PLCH1: variants seen among roughly 807,000 people sequenced by gnomAD.
PLCH1 encodes the protein 1-phosphatidylinositol 4,5-bisphosphate phosphodiesterase eta-1.
In PLCH1, 60 loss-of-function variants were observed where a neutral mutation model predicts 126.7. The ratio of observed to expected loss-of-function variants is 0.47; its 90% CI spans 0.38 to 0.59. The LOEUF (loss-of-function observed/expected upper bound fraction) is 0.59. Ranked by LOEUF, PLCH1 falls within the 20% of genes least tolerant of loss-of-function variation. PLCH1 has a pLI of 0.00. For missense variants in PLCH1, 1,723 were observed against 2,040.0 expected (o/e 0.84, Z 2.99); for synonymous variants, 719 against 734.9 (o/e 0.98, Z 0.35).
In PLCH1 at chr3:155,458,552, AAGAGAAAAAG is replaced by A. The variant is rs1455932489; in HGVS notation, c.2938+26794_2938+26803del. 2.2e-5 allele frequency among the ~76,000 whole-genome samples: 3 copies of A among 136,844 alleles called. 1 individual carries two copies. The highest frequency in any genetic ancestry group is 4.5e-5 in the Non-Finnish European group (3 of 66,120). 89.8% of individuals were successfully genotyped at this position (136,844 alleles called of 152,430 possible). On this transcript the variant is annotated intron_variant, in intron 21 of 21. Coordinates refer to the PLCH1 transcript ENST00000494598. ...AAAGAAAGAAAAAGAAAAAGAAAGAAAGAGAAAAAGAAAGAAAGAAAGAAAGAAAGGAAGA... is the reference window on the plus strand; with the variant it reads ...AAAGAAAGAAAAAGAAAAAGAAAGAAAAAGAAAGAAAGAAAGAAAGGAAGA...
chr3:155,452,473 G>A (rs1712333608), intron 21 of PLCH1, among the ~76,000 whole-genome samples: 1 of 152,160 alleles, frequency 6.6e-6, no homozygotes, highest in South Asian at 2.1e-4. Context: ...GGAGTAATTG[G>A]TTCTGGGGCT....
At chr3:155,617,900 G>A (rs767472867) in intron 2 of PLCH1, among the ~76,000 whole-genome samples, 2 of 152,090 alleles carry the variant, frequency 1.3e-5, no homozygotes, top group Non-Finnish European at 2.9e-5. Context: ...GTTAACTTTG[G>A]ACCTCCATAG....
At position 155,672,221 on chromosome 3, in the gene PLCH1, A is replaced by G. The variant is rs186627850; in HGVS notation, c.79+31925T>C. Among the ~76,000 whole-genome samples the G allele has an allele frequency of 1.8e-4, 28 of 152,288 alleles. No individual in the cohort carries two copies. In the East Asian group the frequency reaches 5.0e-3, roughly 27 times the overall value. On this transcript the variant is annotated intron_variant, in intron 2 of 22. Coordinates refer to ENST00000460012, the MANE Select transcript of PLCH1 (RefSeq NM_014996.4). ...TAATCTATAAATGTAATGTAATTCC[A>G]ACCAAAACCCCAACTAAGTGACTTC...
At chr3:155,709,811 TC>T (rs1486413983) in intron 1 of PLCH1, among the ~76,000 whole-genome samples, 1 of 152,060 alleles carries the variant, frequency 6.6e-6, no homozygotes, top group East Asian at 1.9e-4. Flanking sequence ...AGAGACAGGG[TC>T]CCATTACGTT....
At chr3:155,546,435 A>G (rs1352447984) in intron 10 of PLCH1, among the ~76,000 whole-genome samples, 1 of 152,218 alleles carries the variant, frequency 6.6e-6, no homozygotes, top group African/African-American at 2.4e-5. Context: ...GGTAGGAAGA[A>G]TCAATATCAT....
At chr3:155,589,511 T>G (rs981564906) in intron 4 of PLCH1, among the ~76,000 whole-genome samples, 1 of 152,076 alleles carries the variant, frequency 6.6e-6, no homozygotes, top group Non-Finnish European at 1.5e-5. Context: ...GGATTGGGAG[T>G]GGGCCAGATT....
intron 9 of PLCH1, among the ~76,000 whole-genome samples, chr3:155,550,221 A>G (rs558882291): frequency 6.6e-6 from 1 of 152,366 alleles, no homozygotes; most frequent in South Asian, 2.1e-4. Flanking sequence ...GCATCAGGAA[A>G]CAATGGTAGA....
At chr3:155,637,045 G>C (rs999160214) in intron 2 of PLCH1, among the ~76,000 whole-genome samples, 1 of 152,116 alleles carries the variant, frequency 6.6e-6, no homozygotes, top group Non-Finnish European at 1.5e-5. Context: ...CAACAAAACA[G>C]TCATTCACTA....
At chr3:155,540,937 A>G (rs1266896256) in intron 10 of PLCH1, among the ~76,000 whole-genome samples, 1 of 152,188 alleles carries the variant, frequency 6.6e-6, no homozygotes, top group African/African-American at 2.4e-5. Context: ...ACACTTGTAC[A>G]CATATTTTTA....
At chr3:155,511,309 C>T (rs570871156) in intron 12 of PLCH1, among the ~76,000 whole-genome samples, 1 of 134,126 alleles carries the variant, frequency 7.5e-6, no homozygotes, top group Non-Finnish European at 1.5e-5. Context: ...AATGTCTTCC[C>T]GTAGCTCAGA....
At chr3:155,498,229 G>A (rs1717361389) in intron 14 of PLCH1, among the ~76,000 whole-genome samples, 1 of 152,212 alleles carries the variant, frequency 6.6e-6, no homozygotes, top group South Asian at 2.1e-4. Context: ...TGGCCCTAAA[G>A]TGCGGGAGTA....
chr3:155,554,522 T>G (rs1726553416), intron 8 of PLCH1, among the ~76,000 whole-genome samples: 1 of 150,680 alleles, frequency 6.6e-6, no homozygotes, highest in Admixed American at 6.7e-5. Context: ...GGAGATTTCT[T>G]GAAAGGTCAT....
At chr3:155,731,430 C>G (rs895748502) in intron 1 of PLCH1, among the ~76,000 whole-genome samples, 5 of 152,170 alleles carry the variant, frequency 3.3e-5, no homozygotes, top group Non-Finnish European at 7.3e-5. Flanking sequence ...CAGGTCCACG[C>G]CAGTGGATCC....
Position 155,481,329 on chromosome 3 carries a change from A to C in PLCH1, c.4697T>G (p.Leu1566Arg), listed in dbSNP as rs562459072. The C allele has an allele frequency of 2.0e-4, 324 of 1,614,260 alleles. 1 individual carries two copies. In the South Asian group the frequency reaches 3.4e-3, roughly 17 times the overall value. ...KQDANQLPRA[L>R]VRKLSSRSQS... Reference sequence around the variant, plus strand: ...ACTTCTGGATGACAACTTCCTGACCAGTGCCCGGGGGAGCTGATTGGCATC... The same window carrying C: ...ACTTCTGGATGACAACTTCCTGACCCGTGCCCGGGGGAGCTGATTGGCATC... The change falls in exon 23 of 23, where the codon CTG becomes CGG. Residue 1566 changes from leucine (L) to arginine (R), a missense_variant. Physicochemically the swap from Leu to Arg is moderately radical, Grantham distance 102. Transcript: ENST00000460012. The surrounding 1 kb of genome is among the most constrained non-coding windows in gnomAD (Gnocchi z 4.2).
intron 7 of PLCH1, among the ~76,000 whole-genome samples, chr3:155,567,916 A>G (rs1489860461): frequency 6.6e-6 from 1 of 152,178 alleles, no homozygotes; most frequent in Non-Finnish European, 1.5e-5. Context: ...CCTTCATGAA[A>G]TTATCAGGCT....
At chr3:155,477,432 G>A (rs906178208), downstream of PLCH1, among the ~76,000 whole-genome samples, 4 of 151,884 alleles carry the variant, frequency 2.6e-5, no homozygotes, top group African/African-American at 4.8e-5. Flanking sequence ...GCACAGCAAA[G>A]GAAACAATGA....
At chr3:155,706,079 C>A (rs565840547) in intron 1 of PLCH1, among the ~76,000 whole-genome samples, 12 of 144,546 alleles carry the variant, frequency 8.3e-5, no homozygotes, top group East Asian at 4.2e-4. Flanking sequence ...GAGGCTAAGG[C>A]AGGAGAATCA....
At chr3:155,631,821 G>A (rs1443252046) in intron 2 of PLCH1, among the ~76,000 whole-genome samples, 1 of 151,008 alleles carries the variant, frequency 6.6e-6, no homozygotes, top group African/African-American at 2.4e-5. Context: ...GATGAATAAT[G>A]CAGAAGCACC....
At chr3:155,661,681 C>A (rs1742166766) in intron 2 of PLCH1, among the ~76,000 whole-genome samples, 1 of 152,114 alleles carries the variant, frequency 6.6e-6, no homozygotes, top group Admixed American at 6.5e-5. Flanking sequence ...GGTCTCTCCC[C>A]CTTTCCTCTC....
Sources: allele counts gnomAD v4.1 joint callset (sites outside exome capture counted in the v4.1 genomes callset), GRCh38; gene constraint gnomAD v4.1.1; non-coding constraint Gnocchi (gnomAD v3.1); transcripts MANE v1.5; gene names NCBI Gene and HGNC (gene_info 2026-07-23, HGNC 2026-07-21).